MSRA: variants seen among roughly 807,000 people sequenced by gnomAD.
The protein encoded by MSRA is methionine sulfoxide reductase A, also known as mitochondrial peptide methionine sulfoxide reductase.
Under a neutral mutation model 31.3 loss-of-function variants are expected in MSRA, and 54 were observed. That is an observed-to-expected ratio of 1.73 (90% CI 1.39 to 2.17). The LOEUF is 2.17. Among genes scored for constraint, MSRA ranks in the 30% most tolerant of loss-of-function variants. The pLI is 0.00. For synonymous variants in MSRA, 169 were observed against 116.5 expected (o/e 1.45, Z -2.90); for missense variants, 507 against 300.9 (o/e 1.69, Z -5.07).
At chr8:10,309,523 T>G (rs1323034716) in intron 4 of MSRA, among the ~76,000 whole-genome samples, 1 of 152,242 alleles carries the variant, frequency 6.6e-6, no homozygotes, top group African/African-American at 2.4e-5. Context: ...GGCTTCCTAT[T>G]CTTGGTTCAC....
At chr8:10,346,676 G>A (rs562678742) in intron 5 of MSRA, among the ~76,000 whole-genome samples, 1 of 152,306 alleles carries the variant, frequency 6.6e-6, no homozygotes, top group East Asian at 1.9e-4. Context: ...TTGCAGACAG[G>A]CTAACAAGAT....
intron 3 of MSRA, among the ~76,000 whole-genome samples, chr8:10,268,509 A>G (rs1216001123): frequency 6.6e-6 from 1 of 152,190 alleles, no homozygotes; most frequent in Non-Finnish European, 1.5e-5. Flanking sequence ...CTTTTCTGAC[A>G]CTAATGATTT....
intron 5 of MSRA, among the ~76,000 whole-genome samples, chr8:10,359,482 A>G (rs556659214): frequency 1.3e-5 from 2 of 152,214 alleles, no homozygotes; most frequent in Middle Eastern, 3.4e-3. Context: ...TGCATATTTT[A>G]TAGTTTTTTG....
At chr8:10,192,877 G>C (rs1807633370) in intron 1 of MSRA, among the ~76,000 whole-genome samples, 1 of 152,194 alleles carries the variant, frequency 6.6e-6, no homozygotes, top group African/African-American at 2.4e-5. Context: ...ATGGAAAATG[G>C]TTTCTAAATC....
rs552911955 is a variant in MSRA, at chr8:10,065,744, C to T, written c.142+11086C>T. ...CGTGTACATTTGCTTCCGCTGTTGC[C>T]GGATGGTTGGTAAAGGAAATTGATA... On this transcript the variant is annotated intron_variant, in intron 1 of 5. Transcript: ENST00000317173. 4.1e-4 allele frequency among the ~76,000 whole-genome samples: 62 copies of T among 152,218 alleles called. 1 individual carries two copies. The highest frequency in any genetic ancestry group is 1.1e-3 in the Admixed American group (17 of 15,290).
chr8:10,376,285 G>T (rs1805751265), intron 5 of MSRA, among the ~76,000 whole-genome samples: 1 of 152,128 alleles, frequency 6.6e-6, no homozygotes, highest in Admixed American at 6.5e-5. Flanking sequence ...CCTATCCCTG[G>T]CTTCTACAAT....
At chr8:10,259,183 C>T (rs1179495132) in intron 3 of MSRA, among the ~76,000 whole-genome samples, 3 of 151,966 alleles carry the variant, frequency 2.0e-5, no homozygotes, top group African/African-American at 4.8e-5. Flanking sequence ...GTTCTCAATG[C>T]CCTGAAAACA....
At chr8:10,368,989 A>C (rs1274633005) in intron 5 of MSRA, among the ~76,000 whole-genome samples, 1 of 152,218 alleles carries the variant, frequency 6.6e-6, no homozygotes, top group Non-Finnish European at 1.5e-5. Context: ...CCAGGGACCA[A>C]CACCCGCAAG....
chr8:10,376,145 T>TG (rs569410336), intron 5 of MSRA, among the ~76,000 whole-genome samples: 135 of 152,200 alleles, frequency 8.9e-4, no homozygotes, highest in Non-Finnish European at 1.6e-3. Flanking sequence ...GAGCTGCTCA[T>TG]GGTTGCTTAG....
intron 5 of MSRA, among the ~76,000 whole-genome samples, chr8:10,391,047 A>G (rs1806713061): frequency 1.3e-5 from 2 of 152,194 alleles, no homozygotes; most frequent in African/African-American, 4.8e-5. Flanking sequence ...CTATTCTCAA[A>G]TGTACTTCAC....
chr8:10,374,502 C>A (rs1805650539), intron 5 of MSRA, among the ~76,000 whole-genome samples: 1 of 152,146 alleles, frequency 6.6e-6, no homozygotes, highest in South Asian at 2.1e-4. Context: ...TGCAGAACAA[C>A]AAATTAAGTC....
chr8:10,088,467 G>A (rs1354006479), intron 1 of MSRA, among the ~76,000 whole-genome samples: 1 of 152,092 alleles, frequency 6.6e-6, no homozygotes, highest in Non-Finnish European at 1.5e-5. Context: ...AGGCGTGGTG[G>A]CTCACACCTG....
intron 2 of MSRA, among the ~76,000 whole-genome samples, chr8:10,214,444 G>C (rs940818935): frequency 6.6e-6 from 1 of 152,162 alleles, no homozygotes; most frequent in Admixed American, 6.6e-5. Context: ...AACATTGGAA[G>C]CAGCCGGCAA....
intron 4 of MSRA, among the ~76,000 whole-genome samples, chr8:10,307,289 C>A (rs144259384): frequency 2.7e-4 from 41 of 152,086 alleles, no homozygotes; most frequent in African/African-American, 9.9e-4. Context: ...ACCTCAGCCT[C>A]CTGAGTAGCT....
At chr8:10,200,059 G>T (rs971675228) in intron 1 of MSRA, among the ~76,000 whole-genome samples, 1 of 152,164 alleles carries the variant, frequency 6.6e-6, no homozygotes, top group Non-Finnish European at 1.5e-5. Flanking sequence ...TTGTTCTTCT[G>T]CAGAAAGAGC....
intron 1 of MSRA, among the ~76,000 whole-genome samples, chr8:10,125,331 G>A (rs1038671517): frequency 2.0e-5 from 3 of 152,218 alleles, no homozygotes; most frequent in African/African-American, 4.8e-5. Flanking sequence ...TGGTGGCACA[G>A]ATCAAAATCT....
chr8:10,193,602 C>G (rs1425398906), intron 1 of MSRA, among the ~76,000 whole-genome samples: 2 of 152,204 alleles, frequency 1.3e-5, no homozygotes, highest in African/African-American at 4.8e-5. Flanking sequence ...ACCATCTCCA[C>G]TGACTTCCCT....
intron 2 of MSRA, among the ~76,000 whole-genome samples, chr8:10,230,041 A>G (rs1046211400): frequency 2.0e-5 from 3 of 152,236 alleles, no homozygotes; most frequent in African/African-American, 7.2e-5. Context: ...GAAAATTTCA[A>G]AGTGTTACAG....
At chr8:10,217,473 G>T (rs909741755) in intron 2 of MSRA, among the ~76,000 whole-genome samples, 1 of 152,204 alleles carries the variant, frequency 6.6e-6, no homozygotes, top group Admixed American at 6.5e-5. Flanking sequence ...TCTTCTAGAA[G>T]ATTTTCTGTC....
Sources: allele counts gnomAD v4.1 joint callset (sites outside exome capture counted in the v4.1 genomes callset), GRCh38; gene constraint gnomAD v4.1.1; transcripts MANE v1.5; gene names NCBI Gene and HGNC (gene_info 2026-07-23, HGNC 2026-07-21).